Variants in DCLK1 observed in about 807,000 individuals in gnomAD.
DCLK1 encodes the protein doublecortin like kinase 1.
A neutral mutation model predicts 86.2 loss-of-function variants in DCLK1; 16 were observed. That is an observed-to-expected ratio of 0.19 (90% confidence interval 0.13 to 0.28). The LOEUF (loss-of-function observed/expected upper bound fraction) is 0.28. Ranked by LOEUF, DCLK1 falls within the 10% of genes least tolerant of loss-of-function variation. The pLI is 1.00. For synonymous variants in DCLK1, 369 were observed against 370.5 expected, an observed-to-expected ratio of 1.00 and a Z score of 0.05; for missense variants, 590 against 940.2, an observed-to-expected ratio of 0.63 and a Z score of 4.87.
intron 4 of DCLK1, among the ~76,000 whole-genome samples, chr13:35,879,787 T>C (rs748904707): frequency 2.0e-5 from 3 of 152,238 alleles, no homozygotes; most frequent in Non-Finnish European, 4.4e-5. Flanking sequence ...AAATGAATAC[T>C]GATCTTTCCT....
At chr13:35,962,911 T>C (rs1270979058) in intron 3 of DCLK1, among the ~76,000 whole-genome samples, 2 of 152,226 alleles carry the variant, frequency 1.3e-5, no homozygotes, top group Non-Finnish European at 2.9e-5. Flanking sequence ...ATGTTCTCTT[T>C]GTCTTTTCTG....
intron 3 of DCLK1, among the ~76,000 whole-genome samples, chr13:35,968,376 A>C (rs986249363): frequency 6.6e-6 from 1 of 152,212 alleles, no homozygotes; most frequent in Non-Finnish European, 1.5e-5. Context: ...CATGAGCAAC[A>C]GCGGTGACCA....
intron 4 of DCLK1, among the ~76,000 whole-genome samples, chr13:35,877,015 T>C (rs973778809): frequency 2.0e-5 from 3 of 152,194 alleles, no homozygotes; most frequent in African/African-American, 7.2e-5. Flanking sequence ...GGTTCTCTGA[T>C]GACTGAACCT....
intron 2 of DCLK1, among the ~76,000 whole-genome samples, chr13:36,113,163 C>T (rs1290859982): frequency 6.6e-6 from 1 of 152,048 alleles, no homozygotes; most frequent in Non-Finnish European, 1.5e-5. Flanking sequence ...GTAAAATGAC[C>T]GAGGCCTAAT....
intron 6 of DCLK1, chr13:35,848,971 T>C: frequency 1.0e-6 from 1 of 985,340 alleles, no homozygotes. Flanking sequence ...TTGGAAACAG[T>C]TTTAAAACCT....
At position 36,101,011 on chromosome 13, in the gene DCLK1, G is replaced by A. The variant is rs148022771; in HGVS notation, c.723+10858C>T. 1.2e-3 allele frequency among the ~76,000 whole-genome samples: 181 copies of A among 152,310 alleles called. 1 individual carries two copies. The highest frequency in any genetic ancestry group is 4.2e-3 in the African/African-American group (174 of 41,566). On this transcript the variant is annotated intron_variant, in intron 3 of 16. Coordinates refer to ENST00000360631, the MANE Select transcript of DCLK1 (RefSeq NM_001330071.2). ...CCACATCTTTCCGGGCATCGTCCAT[G>A]TTGGGAATTGTCTCATGCGTAGGGA...
chr13:36,057,850 G>A (rs1014063880), intron 3 of DCLK1, among the ~76,000 whole-genome samples: 1 of 152,070 alleles, frequency 6.6e-6, no homozygotes, highest in Non-Finnish European at 1.5e-5. Flanking sequence ...TTAGAAAGTC[G>A]GCCAGTCATG....
intron 3 of DCLK1, among the ~76,000 whole-genome samples, chr13:36,030,453 C>T (rs1380091318): frequency 4.2e-5 from 6 of 142,918 alleles, no homozygotes; most frequent in Non-Finnish European, 7.5e-5. Flanking sequence ...CCCGCCACCA[C>T]ACCTGGCTAA....
intron 8 of DCLK1, among the ~76,000 whole-genome samples, chr13:35,829,685 A>G (rs1471636681): frequency 6.6e-6 from 1 of 152,196 alleles, no homozygotes; most frequent in Non-Finnish European, 1.5e-5. Flanking sequence ...AAAAACAGTG[A>G]ACACTGAATT....
intron 13 of DCLK1, among the ~76,000 whole-genome samples, chr13:35,808,646 G>A (rs1044631160): frequency 6.6e-6 from 1 of 152,152 alleles, no homozygotes; most frequent in African/African-American, 2.4e-5. Flanking sequence ...TAACTGGTGT[G>A]GCGGCGCACG....
intron 3 of DCLK1, among the ~76,000 whole-genome samples, chr13:35,984,686 C>T (rs1879814639): frequency 6.6e-6 from 1 of 152,154 alleles, no homozygotes; most frequent in Non-Finnish European, 1.5e-5. Flanking sequence ...AGAAATTTTC[C>T]ATTTTTGTTT....
At chr13:35,925,003 G>A (rs1284964675) in intron 4 of DCLK1, among the ~76,000 whole-genome samples, 1 of 152,154 alleles carries the variant, frequency 6.6e-6, no homozygotes, top group African/African-American at 2.4e-5. Flanking sequence ...GCTTTTTCCA[G>A]AAAAAGGCTG....
intron 4 of DCLK1, among the ~76,000 whole-genome samples, chr13:35,879,311 C>T (rs917129138): frequency 8.5e-5 from 13 of 152,190 alleles, no homozygotes; most frequent in Non-Finnish European, 2.9e-5. Flanking sequence ...ATGGCGCCCA[C>T]GTGTTCCTCC....
intron 1 of DCLK1, among the ~76,000 whole-genome samples, chr13:36,128,400 G>A (rs1373113869): frequency 6.6e-6 from 1 of 152,154 alleles, no homozygotes; most frequent in Non-Finnish European, 1.5e-5. Flanking sequence ...CAAAGCTGGT[G>A]TTTTCCATCC....
intron 4 of DCLK1, among the ~76,000 whole-genome samples, chr13:35,920,587 G>A (rs978511268): frequency 7.9e-5 from 12 of 152,108 alleles, no homozygotes; most frequent in African/African-American, 2.9e-4. Context: ...TGAGTGTTAC[G>A]GATGGGGCCA....
intron 3 of DCLK1, among the ~76,000 whole-genome samples, chr13:36,070,127 C>T (rs1249978480): frequency 6.6e-6 from 1 of 152,070 alleles, no homozygotes; most frequent in Non-Finnish European, 1.5e-5. Flanking sequence ...TTGCATAATG[C>T]CTGAAAAGTT....
At chr13:35,795,022 T>A (rs1403276962) in intron 15 of DCLK1, among the ~76,000 whole-genome samples, 2 of 152,124 alleles carry the variant, frequency 1.3e-5, no homozygotes, top group Non-Finnish European at 2.9e-5. Context: ...TGTAAAATCA[T>A]GAAACAGGCC....
intron 2 of DCLK1, among the ~76,000 whole-genome samples, chr13:36,113,081 C>CT (rs1464797882): frequency 1.3e-5 from 2 of 152,110 alleles, no homozygotes; most frequent in South Asian, 4.1e-4. Context: ...TTTGTAATGG[C>CT]TTTTTTTCTG....
chr13:36,014,954 C>T (rs1332033027), intron 3 of DCLK1, among the ~76,000 whole-genome samples: 1 of 151,894 alleles, frequency 6.6e-6, no homozygotes, highest in East Asian at 1.9e-4. Flanking sequence ...TTTCCCCTAC[C>T]ATGTTCTAAT....
Sources: gnomAD v4.1 joint callset for allele counts (sites outside exome capture counted in the v4.1 genomes callset) on GRCh38, gnomAD v4.1.1 for gene constraint, MANE v1.5 for transcripts, NCBI Gene and HGNC (gene_info 2026-07-23, HGNC 2026-07-21) for gene names.